The following RNF24 variants were observed in gnomAD, a reference collection of about 807,000 sequenced individuals.
RNF24 encodes ring finger protein 24.
RNF24 carries 14 observed loss-of-function variants against 20.0 expected under a neutral mutation model. That is an observed-to-expected ratio of 0.70 (90% confidence interval 0.46 to 1.10). RNF24 has a LOEUF of 1.10. Among genes scored for constraint, RNF24 ranks in the 50% least tolerant of loss-of-function variants. The pLI is 0.00. For synonymous variants in RNF24, 45 were observed against 61.1 expected (o/e 0.74, Z 1.23); for missense variants, 124 against 177.6 (o/e 0.70, Z 1.71).
rs2090744438 is a variant in RNF24, at chr20:3,927,692, T to G, written c.*6371A>C. On this transcript the variant is annotated 3_prime_UTR_variant, in exon 6 of 6. Coordinates refer to ENST00000358395, the MANE Select transcript of RNF24 (RefSeq NM_001134337.3). ...GTCACCAGAAGGGAGTTCCTAACAC[T>G]TGCCACACCTGCTCCCCCGACCGGG... 1 of 152,128 alleles carries G rather than the reference T, an allele frequency of 6.6e-6. No homozygotes were observed. The highest frequency in any genetic ancestry group is 1.5e-5 in the Non-Finnish European group (1 of 68,020). 9.4% of individuals were successfully genotyped at this position (152,128 alleles called of 1,614,324 possible). A position where few individuals can be genotyped will look rare whatever the true frequency, so the allele number is the denominator to read the frequency against.
At chr20:3,978,274 G>A (rs929563840) in intron 1 of RNF24, among the ~76,000 whole-genome samples, 1 of 151,912 alleles carries the variant, frequency 6.6e-6, no homozygotes, top group Non-Finnish European at 1.5e-5. Context: ...CTGACATTGT[G>A]ATCCGCCCAC....
intron 2 of RNF24, among the ~76,000 whole-genome samples, chr20:3,962,791 A>G (rs1044741673): frequency 1.3e-5 from 2 of 151,252 alleles, no homozygotes; most frequent in Non-Finnish European, 2.9e-5. Context: ...GCTCACTGCA[A>G]TCTCTCCCTC....
chr20:3,963,440 G>T (rs1025618512), intron 2 of RNF24, among the ~76,000 whole-genome samples: 3 of 152,190 alleles, frequency 2.0e-5, no homozygotes, highest in Non-Finnish European at 2.9e-5. Flanking sequence ...TGATCCACTC[G>T]CCTGGGCCTC....
At chr20:4,007,934 C>T (rs1982018427) in intron 1 of RNF24, among the ~76,000 whole-genome samples, 2 of 151,018 alleles carry the variant, frequency 1.3e-5, no homozygotes, top group East Asian at 2.0e-4. Context: ...CAAACACACC[C>T]CCGCCCCCCA....
intron 1 of RNF24, among the ~76,000 whole-genome samples, chr20:4,000,221 C>A (rs999077397): frequency 8.5e-5 from 13 of 152,076 alleles, no homozygotes; most frequent in African/African-American, 1.2e-4. Flanking sequence ...CTAAAACAAT[C>A]ATCAAAAACG....
At position 3,930,000 on chromosome 20, in the gene RNF24, G is replaced by C. The variant is rs188726561; in HGVS notation, c.*4063C>G. ...AGCGTTCCTTGAATACACTTGTCTGGTATCACATGAGTAGAAAAGGAGAAA... is the reference window on the plus strand; with the variant it reads ...AGCGTTCCTTGAATACACTTGTCTGCTATCACATGAGTAGAAAAGGAGAAA... On this transcript the variant is annotated 3_prime_UTR_variant, in exon 6 of 6. Coordinates refer to ENST00000358395, the MANE Select transcript of RNF24 (RefSeq NM_001134337.3). 1.8e-4 allele frequency: 28 copies of C among 152,268 alleles called. No homozygotes were observed. The highest frequency in any genetic ancestry group is 6.7e-4 in the African/African-American group (28 of 41,546). 9.4% of individuals were successfully genotyped at this position (152,268 alleles called of 1,614,324 possible). A position where few individuals can be genotyped will look rare whatever the true frequency, so the allele number is the denominator to read the frequency against.
rs999996522 is a variant in RNF24 at position 3,966,738 on chromosome 20, T to C, written c.-7-2714A>G. Among the ~76,000 whole-genome samples, 12 of 151,854 alleles carry C rather than the reference T, an allele frequency of 7.9e-5. No homozygotes were observed. In the South Asian group the frequency reaches 2.3e-3, roughly 29 times the overall value. On this transcript the variant is annotated intron_variant, in intron 1 of 5. Transcript: ENST00000358395. ...GCCATTAATACAGGCTAGCTAGGAGTGAGGCCAGTGGTGTGGGAATGTTGC... is the reference window on the plus strand; with the variant it reads ...GCCATTAATACAGGCTAGCTAGGAGCGAGGCCAGTGGTGTGGGAATGTTGC...
chr20:3,950,855 T>G (rs1424619085), intron 2 of RNF24, among the ~76,000 whole-genome samples: 1 of 152,196 alleles, frequency 6.6e-6, no homozygotes, highest in Non-Finnish European at 1.5e-5. Flanking sequence ...ACAGACCTTA[T>G]TTGAATTTTA....
intron 2 of RNF24, among the ~76,000 whole-genome samples, chr20:3,959,337 CTGTT>C (rs1163507260): frequency 6.6e-6 from 1 of 152,174 alleles, no homozygotes; most frequent in Non-Finnish European, 1.5e-5. Context: ...TCATTAATTT[CTGTT>C]TATTTTCACC....
chr20:4,008,482 A>ATATTATATATAATATATAATATGTATAAT (rs1325110321), intron 1 of RNF24, among the ~76,000 whole-genome samples: 13 of 99,260 alleles, frequency 1.3e-4, no homozygotes, highest in African/African-American at 4.0e-4. Flanking sequence ...TATAATATAT[A>ATATTATATATAATATATAATATGTATAAT]ATATAATATA....
chr20:3,938,003 C>T (rs1261489421), intron 4 of RNF24, among the ~76,000 whole-genome samples: 1 of 152,126 alleles, frequency 6.6e-6, no homozygotes, highest in Non-Finnish European at 1.5e-5. Flanking sequence ...CATATGGTAA[C>T]TCTATGTTTA....
At chr20:3,953,386 C>T (rs2091104266) in intron 2 of RNF24, among the ~76,000 whole-genome samples, 1 of 151,020 alleles carries the variant, frequency 6.6e-6, no homozygotes, top group South Asian at 2.1e-4. Context: ...ATCTCCTGAC[C>T]TTGTGATCTG....
intron 1 of RNF24, among the ~76,000 whole-genome samples, chr20:3,984,243 A>G (rs1568650794): frequency 6.6e-6 from 1 of 151,928 alleles, no homozygotes; most frequent in Non-Finnish European, 1.5e-5. Flanking sequence ...TCTTAAAAAA[A>G]AAAAAGAAAA....
intron 2 of RNF24, among the ~76,000 whole-genome samples, chr20:3,949,220 A>T (rs929010885): frequency 6.6e-5 from 10 of 152,156 alleles, no homozygotes; most frequent in African/African-American, 2.4e-4. Context: ...AATCTACTAA[A>T]AATACAAAAA....
At chr20:3,973,696 A>G (rs1404552601) in intron 1 of RNF24, among the ~76,000 whole-genome samples, 2 of 152,144 alleles carry the variant, frequency 1.3e-5, no homozygotes, top group Non-Finnish European at 2.9e-5. Flanking sequence ...CTCACCCAAT[A>G]TAAAATAGAT....
chr20:3,934,351 C>T lies in RNF24; in HGVS notation c.309-150G>A, dbSNP rs1371221263. On this transcript the variant is annotated intron_variant, in intron 5 of 5. Transcript: ENST00000358395. The surrounding 1 kb of genome is among the most constrained non-coding windows in gnomAD (Gnocchi z 4.0). The stretch of plus-strand genomic sequence containing the variant: ...CTAGGTGGTGAACGGATGTCACCCC[C>T]TGGAGAGAGGGAAGAGACAGAGAGA... 1.4e-6 allele frequency: 1 copy of T among 713,898 alleles called. No individual in the cohort carries two copies. The highest frequency in any genetic ancestry group is 1.9e-5 in the African/African-American group (1 of 53,254). 44.2% of individuals were successfully genotyped at this position (713,898 alleles called of 1,614,324 possible).
chr20:3,962,207 T>C (rs758353763), intron 2 of RNF24, among the ~76,000 whole-genome samples: 1 of 151,770 alleles, frequency 6.6e-6, no homozygotes, highest in Admixed American at 6.6e-5. Flanking sequence ...ACAAAAAAAA[T>C]TGGCCAGGTG....
At chr20:4,002,385 C>G (rs1006387781) in intron 1 of RNF24, among the ~76,000 whole-genome samples, 1 of 151,798 alleles carries the variant, frequency 6.6e-6, no homozygotes, top group Non-Finnish European at 1.5e-5. Context: ...GACTCCGTCT[C>G]AAAAACAAAC....
chr20:3,981,359 G>A (rs1475999897), intron 1 of RNF24, among the ~76,000 whole-genome samples: 1 of 151,946 alleles, frequency 6.6e-6, no homozygotes, highest in Non-Finnish European at 1.5e-5. Context: ...ATAGTTTTAT[G>A]CCTTAAATTT....
Sources: gnomAD v4.1 joint callset for allele counts (sites outside exome capture counted in the v4.1 genomes callset) on GRCh38, gnomAD v4.1.1 for gene constraint, Gnocchi (gnomAD v3.1) non-coding constraint, MANE v1.5 for transcripts, NCBI Gene and HGNC (gene_info 2026-07-23, HGNC 2026-07-21) for gene names.